The following ZNF668 variants were observed in gnomAD, a reference collection of about 807,000 sequenced individuals.
The protein encoded by ZNF668 is zinc finger protein 668.
ZNF668 carries 10 observed loss-of-function variants against 40.3 expected under a neutral mutation model. The observed-to-expected ratio is 0.25, with a 90% CI of 0.15 to 0.42. The LOEUF is 0.42. Ranked by LOEUF, ZNF668 falls within the 10% of genes least tolerant of loss-of-function variation. The probability of loss-of-function intolerance (pLI) is 1.00; values close to 1 mark genes in which losing one functional copy is unlikely to be tolerated. For synonymous variants in ZNF668, 428 were observed against 384.6 expected (o/e 1.11, Z -1.32); for missense variants, 749 against 904.6 (o/e 0.83, Z 2.21).
At position 31,064,256 on chromosome 16, in the gene ZNF668, T is replaced by G; in HGVS notation, c.204A>C (p.Glu68Asp). 1 of 1,613,712 alleles carries G rather than the reference T, an allele frequency of 6.2e-7. No individual in the cohort carries two copies. The highest frequency in any genetic ancestry group is 1.3e-5 in the African/African-American group (1 of 75,072). The change falls in exon 2 of 3, where the codon GAA (glutamate) becomes GAC (aspartate). Residue 68 changes from glutamate (E) to aspartate (D), a missense_variant. This residue lies in a region of ZNF668 where 159 missense variants were observed against 139.8 expected (regional missense o/e 1.14). Coordinates refer to ENST00000300849, the MANE Select transcript of ZNF668 (RefSeq NM_024706.5). ...AGCCTGACACCTTCTCCCCACTGGC[T>G]TCCTCTGCCTTAGCTTCTGTCTCTG... ...PKPETEAKAE[E>D]ASGEKVSGSA...
At chr16:31,066,500 G>C (rs2056982513) in intron 1 of ZNF668, 1 of 416,756 alleles carries the variant, frequency 2.4e-6, no homozygotes, top group Non-Finnish European at 3.2e-6. Flanking sequence ...GAGGCTGCAG[G>C]GAACTATGAT....
chr16:31,069,268 T>TACACAC (rs55722354), intron 1 of ZNF668: 16,259 of 141,530 alleles, frequency 0.11, 1,148 homozygotes, highest in South Asian at 0.33. Context: ...CTACTAAAAA[T>TACACAC]ACACACACAC....
At chr16:31,063,620 C>T (rs2056953544) in intron 2 of ZNF668, among the ~76,000 whole-genome samples, 193 bp downstream of exon 2, 1 of 152,232 alleles carries the variant, frequency 6.6e-6, no homozygotes, top group African/African-American at 2.4e-5. Context: ...AGAGATCAAC[C>T]TCAAGGTGGT....
In ZNF668 at chr16:31,061,153, C is replaced by A; in HGVS notation, c.1775G>T (p.Arg592Leu). 1 of 1,516,278 alleles carries A rather than the reference C, an allele frequency of 6.6e-7. No homozygotes were observed. Among genetic ancestry groups the A allele is most frequent in the Non-Finnish European group, 8.8e-7 (1 of 1,133,700 alleles). The allele number at this position is 1,516,278 out of a possible 1,614,324, so 93.9% of individuals were successfully genotyped here. ...GGTCCCCATGGGCACAGGGTGGGTG[C>A]GTTCATGCTTGCGCAAGTCGCTGGC... ...LSASDLRKHE[R>L]THPVPMGTPT... The change falls in exon 3 of 3, where the codon CGC becomes CTC. Residue 592 changes from arginine to leucine, a missense_variant. This residue lies in a region of ZNF668 where 310 missense variants were observed against 355.1 expected (regional missense o/e 0.87). Transcript: ENST00000300849. The surrounding 1 kb of genome is among the most constrained non-coding windows in gnomAD (Gnocchi z 7.7).
chr16:31,070,294 G>C (rs978905955), intron 1 of ZNF668, among the ~76,000 whole-genome samples: 2 of 150,976 alleles, frequency 1.3e-5, no homozygotes, highest in Non-Finnish European at 2.9e-5. Flanking sequence ...TGCAACCTCC[G>C]CCTCCCGGGT....
intron 1 of ZNF668, chr16:31,073,400 C>G (rs1193985670): frequency 6.6e-6 from 1 of 152,156 alleles, no homozygotes; most frequent in Non-Finnish European, 1.5e-5. Flanking sequence ...ACCCCCGGGA[C>G]CACACCGCGC....
Position 31,064,410 on chromosome 16 carries a change from C to A in ZNF668, c.50G>T (p.Arg17Leu). Residue 17 changes from arginine to leucine, a missense_variant, in exon 2 of 3, where the codon CGC becomes CTC. Physicochemically the swap from Arg to Leu is moderately radical, Grantham distance 102. This residue lies in a region of ZNF668 where 159 missense variants were observed against 139.8 expected (regional missense o/e 1.14). Transcript: ENST00000300849. ...CAGGCACTTGTAGCGGCGGCCCGAG[C>A]GCTTGTAGCCGGGGGCTGGGGACCG... Reference protein sequence around the residue: ...EARSPAPGYKRSGRRYKCLSC... With the variant: ...EARSPAPGYKLSGRRYKCLSC... 6.2e-7 allele frequency: 1 copy of A among 1,613,106 alleles called. No homozygotes were observed. The highest frequency in any genetic ancestry group is 8.5e-7 in the Non-Finnish European group (1 of 1,179,956).
chr16:31,068,241 T>A (rs59677435), intron 1 of ZNF668, among the ~76,000 whole-genome samples: 16,187 of 50,756 alleles, frequency 0.32, 2,851 homozygotes, highest in Non-Finnish European at 0.39. Context: ...AAAAAAAAAA[T>A]ATATATATAT....
Position 31,061,675 on chromosome 16 carries a change from T to C in ZNF668, c.1253A>G (p.Glu418Gly). 6.2e-7 allele frequency: 1 copy of C among 1,613,430 alleles called. No homozygotes were observed. Among genetic ancestry groups the C allele is most frequent in the Non-Finnish European group, 8.5e-7 (1 of 1,179,900 alleles). The change falls in exon 3 of 3, where the codon GAG becomes GGG. Residue 418 changes from glutamate to glycine, a missense_variant. By Grantham distance (98) the Glu-to-Gly change is moderately conservative. Transcript: ENST00000300849. The surrounding 1 kb of genome is among the most constrained non-coding windows in gnomAD (Gnocchi z 7.7). ...RKHERTHRSSEAAGVPPAQEL... is the reference protein window; with the variant it reads ...RKHERTHRSSGAAGVPPAQEL... ...CTGTGCAGGGGGCACACCCGCGGCC[T>C]CACTGCTTCGATGGGTCCGCTCGTG...
intron 1 of ZNF668, chr16:31,069,242 T>C (rs1253797973): frequency 6.7e-6 from 1 of 150,024 alleles, no homozygotes; most frequent in African/African-American, 2.5e-5. Flanking sequence ...CTGGCCAACA[T>C]GGTGAAACCC....
chr16:31,073,459 CG>C (rs1272122100), intron 1 of ZNF668, 199 bp downstream of exon 1: 1 of 152,186 alleles, frequency 6.6e-6, no homozygotes, highest in Non-Finnish European at 1.5e-5. Flanking sequence ...AGCCCAGAAC[CG>C]CGGAGACAGC....
chr16:31,066,385 C>CT (rs2056982009), intron 1 of ZNF668: 1 of 985,114 alleles, frequency 1.0e-6, no homozygotes, highest in Non-Finnish European at 1.2e-6. Context: ...GGTTATTTCA[C>CT]TTTTCCCACT....
In ZNF668 at chr16:31,061,236, G is replaced by C; in HGVS notation, c.1692C>G (p.Arg564=). 6.5e-7 allele frequency: 1 copy of C among 1,534,820 alleles called. No individual in the cohort carries two copies. Among genetic ancestry groups the C allele is most frequent in the Non-Finnish European group, 8.8e-7 (1 of 1,142,270 alleles). Residue 564 remains arginine (R), a synonymous_variant, in exon 3 of 3, where the codon CGC becomes CGG. Coordinates refer to ENST00000300849, the MANE Select transcript of ZNF668 (RefSeq NM_024706.5). The surrounding 1 kb of genome is among the most constrained non-coding windows in gnomAD (Gnocchi z 7.7). ...SDRAGLRKHS[R]THSSVRPYTC... is the part of the protein sequence containing the mutation. Reference sequence around the variant, plus strand: ...TGTAGGGGCGCACTGAGCTGTGAGTGCGGCTGTGTTTGCGCAGCCCAGCCC... The same window carrying C: ...TGTAGGGGCGCACTGAGCTGTGAGTCCGGCTGTGTTTGCGCAGCCCAGCCC...
In ZNF668 at chr16:31,061,427, C is replaced by A; in HGVS notation, c.1501G>T (p.Ala501Ser). Residue 501 changes from alanine (A) to serine (S), a missense_variant, in exon 3 of 3, where the codon GCA becomes TCA. Physicochemically the swap from Ala to Ser is moderately conservative, Grantham distance 99. This residue lies in a region of ZNF668 where 310 missense variants were observed against 355.1 expected (regional missense o/e 0.87). Coordinates refer to ENST00000300849, the MANE Select transcript of ZNF668 (RefSeq NM_024706.5). This position sits in a 1 kb window ranked among gnomAD's most constrained non-coding sequence, Gnocchi z 7.7. ...GCCTCCTCACCCCCCGCCTCGCCTG[C>A]CCCTTCCAAGGGACCAGGAGCCTCC... ...VREAPGPLEGAGEAGGEEADE... is the reference protein window; with the variant it reads ...VREAPGPLEGSGEAGGEEADE... 2 of 1,613,994 alleles carry A rather than the reference C, an allele frequency of 1.2e-6. No individual in the cohort carries two copies. The highest frequency in any genetic ancestry group is 8.5e-7 in the Non-Finnish European group (1 of 1,179,986).
intron 1 of ZNF668, among the ~76,000 whole-genome samples, chr16:31,072,191 C>A (rs1244526863): frequency 6.6e-6 from 1 of 152,176 alleles, no homozygotes; most frequent in Non-Finnish European, 1.5e-5. Context: ...TCATCACCAG[C>A]ACCAGAGTCC....
At chr16:31,065,155 G>A in intron 1 of ZNF668, 2 of 996,624 alleles carry the variant, frequency 2.0e-6, no homozygotes, top group Non-Finnish European at 2.4e-6. Context: ...AATCACTCAA[G>A]GCAGCCTGAG....
Position 31,064,494 on chromosome 16 carries a change from C to T in ZNF668, c.-22-13G>A, listed in dbSNP as rs371790854. The T allele has an allele frequency of 6.2e-5, 99 of 1,602,728 alleles. No homozygotes were observed. The highest frequency in any genetic ancestry group is 7.9e-5 in the Non-Finnish European group (93 of 1,179,854). On this transcript the variant is annotated splice_polypyrimidine_tract_variant and intron_variant, in intron 1 of 2. Transcript: ENST00000300849. ...GAACGGGGTTTCTCTGCAAGAGAAG[C>T]AAAGTTAGACCAAAGCCACATACCT... is the stretch of plus-strand genomic sequence containing the variant.
chr16:31,066,032 G>T, intron 1 of ZNF668: 1 of 985,378 alleles, frequency 1.0e-6, no homozygotes, highest in Non-Finnish European at 1.2e-6. Flanking sequence ...CAGCTTACCT[G>T]GTTGACCCAG....
At chr16:31,067,526 T>C (rs1417225174) in intron 1 of ZNF668, among the ~76,000 whole-genome samples, 1 of 152,212 alleles carries the variant, frequency 6.6e-6, no homozygotes, top group Non-Finnish European at 1.5e-5. Context: ...CTCAGTTTTC[T>C]AATCTGAAAA....
Sources: allele counts gnomAD v4.1 joint callset (sites outside exome capture counted in the v4.1 genomes callset), GRCh38; gene constraint gnomAD v4.1.1; regional missense constraint gnomAD v4.1.1; non-coding constraint Gnocchi (gnomAD v3.1); transcripts MANE v1.5; gene names NCBI Gene and HGNC (gene_info 2026-07-23, HGNC 2026-07-21).